NUMB: variants seen among roughly 807,000 people sequenced by gnomAD.
The protein encoded by NUMB is NUMB endocytic adaptor protein.
A neutral mutation model predicts 59.7 loss-of-function variants in NUMB; 29 were observed. The observed-to-expected ratio is 0.49, with a 90% CI of 0.36 to 0.66. The LOEUF is 0.66. Ranked by LOEUF, NUMB falls within the 30% of genes least tolerant of loss-of-function variation. NUMB has a pLI of 0.00. For missense variants in NUMB, 723 were observed against 822.0 expected, an observed-to-expected ratio of 0.88 and a Z score of 1.47; for synonymous variants, 288 against 288.2, an observed-to-expected ratio of 1.00 and a Z score of 0.01.
chr14:73,371,368 C>T (rs951274213), intron 2 of NUMB, among the ~76,000 whole-genome samples: 19 of 151,928 alleles, frequency 1.3e-4, no homozygotes, highest in African/African-American at 4.6e-4. Flanking sequence ...AACCCCTTCT[C>T]TACTAAAATA....
intron 2 of NUMB, among the ~76,000 whole-genome samples, chr14:73,393,710 C>T (rs1895971959): frequency 6.6e-6 from 1 of 152,180 alleles, no homozygotes; most frequent in South Asian, 2.1e-4. Context: ...TTATTCTTTT[C>T]ACCAATACTT....
rs199603727 is a variant in NUMB, at chr14:73,280,156, C to CA, written c.1097-733dup. On this transcript the variant is annotated intron_variant, in intron 11 of 12. Transcript: ENST00000555238. ...TGGGCAACAGAGTAAGACTCCATCT[C>CA]AAACAAAAAAAAATTACTCTTTGTT... Among the ~76,000 whole-genome samples, 72 of 144,136 alleles carry CA rather than the reference C, an allele frequency of 5.0e-4. No individual in the cohort carries two copies. In the East Asian group the frequency reaches 0.01, roughly 21 times the overall value. 94.6% of individuals were successfully genotyped at this position (144,136 alleles called of 152,430 possible).
chr14:73,340,704 A>T (rs1892588008), intron 4 of NUMB, among the ~76,000 whole-genome samples: 1 of 152,258 alleles, frequency 6.6e-6, no homozygotes, highest in African/African-American at 2.4e-5. Context: ...ACTAAACAAT[A>T]TTAAAAGTCA....
chr14:73,283,056 T>C (rs372899254), intron 10 of NUMB, among the ~76,000 whole-genome samples: 1 of 152,202 alleles, frequency 6.6e-6, no homozygotes, highest in East Asian at 1.9e-4. Flanking sequence ...TATGATAACA[T>C]GAAAAAGTGA....
At chr14:73,334,552 A>G (rs1175657911) in intron 4 of NUMB, among the ~76,000 whole-genome samples, 3 of 152,058 alleles carry the variant, frequency 2.0e-5, no homozygotes, top group Non-Finnish European at 2.9e-5. Context: ...TAACAGCTCT[A>G]TTTTTTTAAG....
At chr14:73,292,937 C>T in intron 7 of NUMB, 63 bp from the exon 8 acceptor site, 1 of 1,516,220 alleles carries the variant, frequency 6.6e-7, no homozygotes, top group Non-Finnish European at 9.1e-7. Context: ...TCTCAGAACA[C>T]AGGATGTTCA....
intron 6 of NUMB, among the ~76,000 whole-genome samples, chr14:73,307,201 C>T (rs758569396): frequency 4.0e-5 from 6 of 151,720 alleles, no homozygotes; most frequent in Non-Finnish European, 8.8e-5. Context: ...CCCAGCTACT[C>T]GGGAGGCTGA....
At position 73,352,513 on chromosome 14, in the gene NUMB, TA is replaced by T. The variant is rs1893428887; in HGVS notation, c.126+3112del. On this transcript the variant is annotated intron_variant, in intron 4 of 12. Coordinates refer to ENST00000555238, the MANE Select transcript of NUMB (RefSeq NM_001005743.2). ...ATATATATATATATATATATATATA[TA>T]TATATATATATATATGTTTTTTTTT... is the stretch of plus-strand genomic sequence containing the variant. 3.3e-4 allele frequency among the ~76,000 whole-genome samples: 8 copies of T among 23,930 alleles called. 1 individual carries two copies. The highest frequency in any genetic ancestry group is 4.8e-4 in the African/African-American group (3 of 6,266). 15.7% of individuals were successfully genotyped at this position (23,930 alleles called of 152,430 possible).
At position 73,292,974 on chromosome 14, in the gene NUMB, G is replaced by A. The variant is rs557304612; in HGVS notation, c.310-100C>T. On this transcript the variant is annotated intron_variant, in intron 7 of 12. Transcript: ENST00000555238. ...TTCATGATGCACAATCCATACATCT[G>A]ATACAACTAGGCTATGGAATACCTA... is the stretch of plus-strand genomic sequence containing the variant. The A allele has an allele frequency of 2.6e-6, 3 of 1,172,804 alleles. No homozygotes were observed. The Admixed American group carries it at 5.8e-5, about 23-fold the overall frequency. 72.6% of individuals were successfully genotyped at this position (1,172,804 alleles called of 1,614,324 possible). A position where few individuals can be genotyped will look rare whatever the true frequency, so the allele number is the denominator to read the frequency against.
chr14:73,283,988 A>G, intron 10 of NUMB, 93 bp downstream of exon 10: 1 of 1,171,862 alleles, frequency 8.5e-7, no homozygotes, highest in Non-Finnish European at 1.2e-6. Context: ...GGAAAGAGGA[A>G]TGCCTAGTTT....
intron 6 of NUMB, among the ~76,000 whole-genome samples, chr14:73,313,812 TTC>T (rs1218480149): frequency 1.3e-5 from 2 of 150,936 alleles, no homozygotes; most frequent in African/African-American, 4.8e-5. Context: ...GATTTTTTTT[TTC>T]TTTTTTTTTT....
intron 6 of NUMB, among the ~76,000 whole-genome samples, chr14:73,315,528 A>C (rs1891039889): frequency 6.6e-6 from 1 of 152,178 alleles, no homozygotes; most frequent in South Asian, 2.1e-4. Flanking sequence ...ACAACATTCC[A>C]CATATGACAG....
intron 2 of NUMB, among the ~76,000 whole-genome samples, chr14:73,385,923 T>C (rs1384024780): frequency 6.6e-6 from 1 of 152,226 alleles, no homozygotes; most frequent in African/African-American, 2.4e-5. Context: ...CACAGTTACT[T>C]ACTTCAAATA....
At chr14:73,438,673 AAAT>A (rs1595040422) in intron 1 of NUMB, among the ~76,000 whole-genome samples, 1 of 151,978 alleles carries the variant, frequency 6.6e-6, no homozygotes, top group Non-Finnish European at 1.5e-5. Flanking sequence ...ATTGTAATAA[AAAT>A]AATAAACACA....
intron 2 of NUMB, among the ~76,000 whole-genome samples, chr14:73,389,277 A>C (rs1286216162): frequency 1.1e-5 from 1 of 88,066 alleles, no homozygotes; most frequent in African/African-American, 8.2e-5. Flanking sequence ...TCTCTCAAAA[A>C]AAAAAAAAAA....
At chr14:73,308,998 T>C (rs1412607480) in intron 6 of NUMB, among the ~76,000 whole-genome samples, 1 of 152,166 alleles carries the variant, frequency 6.6e-6, no homozygotes, top group Non-Finnish European at 1.5e-5. Context: ...AGAAGAAACC[T>C]TTTTTTAAAA....
At chr14:73,283,589 C>T (rs868124335) in intron 10 of NUMB, among the ~76,000 whole-genome samples, 2 of 152,190 alleles carry the variant, frequency 1.3e-5, no homozygotes, top group African/African-American at 2.4e-5. Context: ...CTGTGATGAA[C>T]AACAGATCTT....
intron 2 of NUMB, among the ~76,000 whole-genome samples, chr14:73,385,150 G>A (rs1013521962): frequency 2.0e-5 from 3 of 151,678 alleles, no homozygotes; most frequent in Admixed American, 2.0e-4. Context: ...CTAGTTTGAG[G>A]AACTGAAGTT....
chr14:73,314,543 G>A (rs910640018), intron 6 of NUMB, among the ~76,000 whole-genome samples: 2 of 152,070 alleles, frequency 1.3e-5, no homozygotes, highest in Non-Finnish European at 2.9e-5. Flanking sequence ...AATAAATACT[G>A]TGACCTCAGG....
Sources: allele counts gnomAD v4.1 joint callset (sites outside exome capture counted in the v4.1 genomes callset), GRCh38; gene constraint gnomAD v4.1.1; transcripts MANE v1.5; gene names NCBI Gene and HGNC (gene_info 2026-07-23, HGNC 2026-07-21).